TFB1M: variants seen among roughly 807,000 people sequenced by gnomAD.
The protein encoded by TFB1M is transcription factor B1, mitochondrial, also known as dimethyladenosine transferase 1, mitochondrial.
TFB1M carries 27 observed loss-of-function variants against 31.1 expected under a neutral mutation model. The observed-to-expected ratio is 0.87, with a 90% CI of 0.64 to 1.20. The LOEUF is 1.20. Ranked by LOEUF, TFB1M falls within the 50% of genes most tolerant of loss-of-function variation. TFB1M has a pLI of 0.00. For missense variants in TFB1M, 394 were observed against 418.7 expected, an observed-to-expected ratio of 0.94 and a Z score of 0.51; for synonymous variants, 166 against 151.8, an observed-to-expected ratio of 1.09 and a Z score of -0.69.
downstream of TFB1M, chr6:155,254,004 C>G: frequency 6.2e-7 from 1 of 1,614,054 alleles, no homozygotes. Context: ...GGGAACTGAT[C>G]CATACGAAGT....
intron 4 of TFB1M, among the ~76,000 whole-genome samples, chr6:155,286,615 ATGTGTATATATG>A (rs942088756): frequency 1.1e-4 from 16 of 139,614 alleles, no homozygotes; most frequent in Non-Finnish European, 1.5e-5. Flanking sequence ...GTGTATATAT[ATGTGTATATATG>A]TGTGCATATA....
chr6:155,309,138 T>C (rs905459348), intron 2 of TFB1M, among the ~76,000 whole-genome samples: 1 of 152,238 alleles, frequency 6.6e-6, no homozygotes. Context: ...TCATTATCAA[T>C]GCTACACAAA....
the TFB1M span, among the ~76,000 whole-genome samples, chr6:155,247,229 C>A: frequency 6.6e-6 from 1 of 152,222 alleles, no homozygotes; most frequent in Non-Finnish European, 1.5e-5. Context: ...AAATAAGCAA[C>A]AACTAGAGTG....
chr6:155,277,967 T>G (rs1290823711), intron 5 of TFB1M, among the ~76,000 whole-genome samples: 2 of 152,334 alleles, frequency 1.3e-5, no homozygotes, highest in Middle Eastern at 3.4e-3. Flanking sequence ...ATTCTATATA[T>G]ACTTCAAAAA....
At chr6:155,284,149 T>TGGCAAAGAAGTATGAAGGTGGC (rs1776517559) in intron 5 of TFB1M, among the ~76,000 whole-genome samples, 1 of 152,190 alleles carries the variant, frequency 6.6e-6, no homozygotes, top group Non-Finnish European at 1.5e-5. Context: ...ACTGGCCAAA[T>TGGCAAAGAAGTATGAAGGTGGC]GGCAAAGAAG....
downstream of TFB1M, among the ~76,000 whole-genome samples, chr6:155,251,444 G>A (rs1395654016): frequency 6.6e-6 from 1 of 151,948 alleles, no homozygotes; most frequent in Non-Finnish European, 1.5e-5. Context: ...TCGCCACCAC[G>A]CCCGGCTGAT....
chr6:155,240,417 G>A, the TFB1M span: 309 of 1,137,056 alleles, frequency 2.7e-4, 1 homozygote, highest in South Asian at 5.1e-3. Flanking sequence ...CTACACAGAG[G>A]CCCCTCTGAG....
rs146344649 is a variant in TFB1M at position 155,303,990 on chromosome 6, A to G, written c.286-5405T>C. 6.9e-3 allele frequency among the ~76,000 whole-genome samples: 1,056 copies of G among 152,306 alleles called. 7 individuals carry two copies. Among genetic ancestry groups the G allele is most frequent in the African/African-American group, 0.018 (761 of 41,556 alleles). The stretch of plus-strand genomic sequence containing the variant: ...ATCCCATGAACTTTCCACTATGCCA[A>G]TGAAGTATGGAAATAACCAGTGTTT... On this transcript the variant is annotated intron_variant, in intron 2 of 6. Coordinates refer to ENST00000367166, the MANE Select transcript of TFB1M (RefSeq NM_016020.4).
In TFB1M at chr6:155,311,343, G is replaced by C; in HGVS notation, c.134-4C>G. ...CCAGCTTTCCTTACAATCTTATCTA[G>C]AGGAAAAAGAGTTTTAGTTATCTCA... On this transcript the variant is annotated splice_region_variant and splice_polypyrimidine_tract_variant and intron_variant, in intron 1 of 6. Coordinates refer to ENST00000367166, the MANE Select transcript of TFB1M (RefSeq NM_016020.4). 2.5e-6 allele frequency: 4 copies of C among 1,613,048 alleles called. No homozygotes were observed. Among genetic ancestry groups the C allele is most frequent in the South Asian group, 1.1e-5 (1 of 91,048 alleles).
downstream of TFB1M, chr6:155,253,126 A>G: frequency 2.3e-6 from 3 of 1,306,886 alleles, no homozygotes; most frequent in East Asian, 2.4e-5. Context: ...AAATTAAGAA[A>G]GGACCTTGGG....
At chr6:155,290,448 C>T (rs1776865471) in intron 4 of TFB1M, among the ~76,000 whole-genome samples, 1 of 151,276 alleles carries the variant, frequency 6.6e-6, no homozygotes, top group African/African-American at 2.4e-5. Context: ...TATATTCTCC[C>T]ACTGAAACTT....
At chr6:155,301,844 T>G (rs1777443439) in intron 2 of TFB1M, among the ~76,000 whole-genome samples, 1 of 152,214 alleles carries the variant, frequency 6.6e-6, no homozygotes, top group African/African-American at 2.4e-5. Flanking sequence ...AAATATATAA[T>G]TTTTGCTTTT....
Position 155,257,794 on chromosome 6 carries a change from T to C in TFB1M, c.*42A>G. 1.2e-6 allele frequency: 2 copies of C among 1,613,090 alleles called. No individual in the cohort carries two copies. The highest frequency in any genetic ancestry group is 1.7e-6 in the Non-Finnish European group (2 of 1,179,602). ...TACCTATATAAGAAGCTCCACGTAG[T>C]GCAAATCGACATCTGGTAGGCTGCT... On this transcript the variant is annotated 3_prime_UTR_variant, in exon 7 of 7. Transcript: ENST00000367166.
chr6:155,238,832 T>C, the TFB1M span, among the ~76,000 whole-genome samples: 1 of 152,258 alleles, frequency 6.6e-6, no homozygotes, highest in African/African-American at 2.4e-5. Context: ...AGGAACTGTT[T>C]CTACTTCTTT....
At chr6:155,240,794 G>T in the TFB1M span, 8 of 1,405,178 alleles carry the variant, frequency 5.7e-6, no homozygotes, top group Non-Finnish European at 7.6e-6. Flanking sequence ...GATCACCTCT[G>T]CCCAGGACAC....
In TFB1M at chr6:155,257,175, GTAAAGTGGA is replaced by G; in HGVS notation, c.*652_*660del. The G allele has an allele frequency of 1.2e-6, 1 of 857,046 alleles. No individual in the cohort carries two copies. The highest frequency in any genetic ancestry group is 1.8e-6 in the Non-Finnish European group (1 of 553,932). The allele number at this position is 857,046 out of a possible 1,614,324, so 53.1% of individuals were successfully genotyped here. On this transcript the variant is annotated 3_prime_UTR_variant, in exon 7 of 7. Coordinates refer to ENST00000367166, the MANE Select transcript of TFB1M (RefSeq NM_016020.4). ...TCCTCATTTTACTTTTAAACTGGTG[GTAAAGTGGA>G]AATTGCAAAAAAAAAAAAAAAAAAA...
intron 1 of TFB1M, chr6:155,314,082 C>T (rs1390716745): frequency 1.4e-6 from 2 of 1,443,240 alleles, no homozygotes; most frequent in Non-Finnish European, 1.8e-6. Flanking sequence ...GGCTACACCC[C>T]CCCGAACGCG....
intron 5 of TFB1M, among the ~76,000 whole-genome samples, chr6:155,282,653 G>C (rs758053183): frequency 3.9e-5 from 6 of 152,104 alleles, no homozygotes; most frequent in Non-Finnish European, 8.8e-5. Context: ...GTATGCAGAA[G>C]GTTTAGTTAG....
the TFB1M span, chr6:155,250,599 G>GCA: frequency 6.5e-7 from 1 of 1,536,026 alleles, no homozygotes; most frequent in African/African-American, 1.4e-5. Context: ...CTTACAAAAG[G>GCA]CACTCTGGAA....
Sources: allele counts gnomAD v4.1 joint callset (sites outside exome capture counted in the v4.1 genomes callset), GRCh38; gene constraint gnomAD v4.1.1; transcripts MANE v1.5; gene names NCBI Gene and HGNC (gene_info 2026-07-23, HGNC 2026-07-21).